The following DFFA variants were observed in gnomAD, a reference collection of about 807,000 sequenced individuals.
The protein encoded by DFFA is DFF45.
DFFA carries 14 observed loss-of-function variants against 28.0 expected under a neutral mutation model. The observed-to-expected ratio is 0.50, with a 90% CI of 0.33 to 0.78. The LOEUF is 0.78. DFFA is among the 30% of genes least tolerant of loss of function. The probability of loss-of-function intolerance (pLI) is 0.02; values close to 1 mark genes in which losing one functional copy is unlikely to be tolerated. For missense variants in DFFA, 395 were observed against 407.1 expected (o/e 0.97, Z 0.26); for synonymous variants, 158 against 170.3 (o/e 0.93, Z 0.56).
chr1:10,462,777 T>G, intron 5 of DFFA: 1 of 1,279,284 alleles, frequency 7.8e-7, no homozygotes, highest in East Asian at 3.4e-5. Flanking sequence ...CTCAGAAGAT[T>G]GGGCCCTGCT....
At chr1:10,470,776 C>T (rs1641086750) in intron 1 of DFFA, among the ~76,000 whole-genome samples, 1 of 147,840 alleles carries the variant, frequency 6.8e-6, no homozygotes, top group Non-Finnish European at 1.5e-5. Context: ...AAAAATACAC[C>T]AAAAAGGCCA....
chr1:10,465,382 C>G (rs1481768483), intron 3 of DFFA, among the ~76,000 whole-genome samples: 1 of 151,184 alleles, frequency 6.6e-6, no homozygotes, highest in African/African-American at 2.4e-5. Context: ...TCTCCTGCCT[C>G]AGCCTCCTGA....
chr1:10,465,000 C>T (rs1641002352), intron 3 of DFFA, among the ~76,000 whole-genome samples: 1 of 152,130 alleles, frequency 6.6e-6, no homozygotes, highest in Non-Finnish European at 1.5e-5. Context: ...ATCAATAATC[C>T]CAGCACTTTG....
intron 5 of DFFA, 129 bp from the exon 6 acceptor site, chr1:10,461,831 G>A (rs1322486710): frequency 2.0e-5 from 30 of 1,470,200 alleles, no homozygotes; most frequent in South Asian, 1.4e-4. Context: ...CTGAAATGCC[G>A]GGTTTCCTTT....
intron 2 of DFFA, among the ~76,000 whole-genome samples, chr1:10,468,495 G>C (rs1212700531): frequency 8.6e-5 from 13 of 151,458 alleles, no homozygotes; most frequent in African/African-American, 2.9e-4. Flanking sequence ...GAGAAACCCT[G>C]GTTTGATATG....
Position 10,472,230 on chromosome 1 carries a change from C to T in DFFA, c.136+93G>A, listed in dbSNP as rs1570113513. The T allele has an allele frequency of 7.0e-7, 1 of 1,436,956 alleles. No individual in the cohort carries two copies. The highest frequency in any genetic ancestry group is 2.5e-5 in the East Asian group (1 of 39,748). 89.0% of individuals were successfully genotyped at this position (1,436,956 alleles called of 1,614,324 possible). On this transcript the variant is annotated intron_variant, in intron 1 of 5. Transcript: ENST00000377038. This position sits in a 1 kb window ranked among gnomAD's most constrained non-coding sequence, Gnocchi z 5.0. The stretch of plus-strand genomic sequence containing the variant: ...GCCTCCACCCGAGATACAAGAATCC[C>T]CAAGTCGCCTCTCCTGACCCCGCCT...
chr1:10,466,026 C>T (rs1461817974), intron 3 of DFFA, among the ~76,000 whole-genome samples: 1 of 150,482 alleles, frequency 6.6e-6, no homozygotes, highest in Non-Finnish European at 1.5e-5. Context: ...TGCAAGCCTA[C>T]AGTCTCAGCT....
At chr1:10,467,139 G>A (rs747270629) in intron 3 of DFFA, 51 bp downstream of exon 3, 17 of 1,604,070 alleles carry the variant, frequency 1.1e-5, no homozygotes, top group Middle Eastern at 1.8e-4. Flanking sequence ...GTGCTGGGGC[G>A]GGGGGCAGAG....
In DFFA at chr1:10,472,447, G is replaced by A. The variant is rs767676381; in HGVS notation, c.12C>T (p.Thr4=). MEV[T]GDAGVPESGE... is the part of the protein sequence containing the mutation. ...CAGATTCTGGTACCCCGGCGTCCCC[G>A]GTCACCTCCATCCTCCACAAGGTGG... Residue 4 remains threonine, a synonymous_variant, in exon 1 of 6, where the codon ACC becomes ACT. Coordinates refer to ENST00000377038, the MANE Select transcript of DFFA (RefSeq NM_004401.3). This position sits in a 1 kb window ranked among gnomAD's most constrained non-coding sequence, Gnocchi z 5.0. 1.9e-6 allele frequency: 3 copies of A among 1,610,684 alleles called. No homozygotes were observed. The highest frequency in any genetic ancestry group is 2.2e-5 in the East Asian group (1 of 44,556).
intron 2 of DFFA, among the ~76,000 whole-genome samples, chr1:10,467,624 C>T (rs372075601): frequency 2.6e-3 from 389 of 152,160 alleles, no homozygotes; most frequent in African/African-American, 8.8e-3. Context: ...GATTCTCCTG[C>T]CTCAGCCTTG....
Position 10,467,292 on chromosome 1 carries a change from T to A in DFFA, c.339A>T (p.Val113=). 1 of 1,614,146 alleles carries A rather than the reference T, an allele frequency of 6.2e-7. No individual in the cohort carries two copies. The change falls in exon 3 of 6, where the codon GTA becomes GTT. Residue 113 remains valine (V), a synonymous_variant. Coordinates refer to ENST00000377038, the MANE Select transcript of DFFA (RefSeq NM_004401.3). ...TAWISQESFD[V]DETDSGAGLK... ...ACCCTGCCCCGCTGTCTGTTTCATC[T>A]ACATCAAAGGACTCTTGGGAAATCC...
At chr1:10,467,949 G>GTT (rs572910619) in intron 2 of DFFA, among the ~76,000 whole-genome samples, 14 of 152,162 alleles carry the variant, frequency 9.2e-5, no homozygotes, top group Non-Finnish European at 1.6e-4. Flanking sequence ...GGTGTGTCCT[G>GTT]TTTTTTATAC....
In DFFA at chr1:10,461,340, A is replaced by G; in HGVS notation, c.*150T>C. 3 of 1,364,772 alleles carry G rather than the reference A, an allele frequency of 2.2e-6. No homozygotes were observed. Among genetic ancestry groups the G allele is most frequent in the Non-Finnish European group, 2.9e-6 (3 of 1,038,524 alleles). The allele number at this position is 1,364,772 out of a possible 1,614,324, so 84.5% of individuals were successfully genotyped here. On this transcript the variant is annotated 3_prime_UTR_variant, in exon 6 of 6. Coordinates refer to ENST00000377038, the MANE Select transcript of DFFA (RefSeq NM_004401.3). ...GTGGGGCTAAAAAAAAAATTGGTGG[A>G]ACGGCGTATGTTGAGACCTGGAATA...
chr1:10,461,565 C>T lies in DFFA; in HGVS notation c.921G>A (p.Arg307=), dbSNP rs747165023. The part of the protein sequence containing the change: ...LQQTQSLHSL[R]SISASKASPP... The stretch of plus-strand genomic sequence containing the variant: ...GTGAGGCCTTGCTTGCTGAGATGCT[C>T]CGGAGAGAATGCAAGCTCTGCGTCT... Residue 307 remains arginine, a synonymous_variant, in exon 6 of 6, where the codon CGG becomes CGA. Coordinates refer to ENST00000377038, the MANE Select transcript of DFFA (RefSeq NM_004401.3). The T allele has an allele frequency of 5.0e-6, 8 of 1,614,208 alleles. No individual in the cohort carries two copies. The highest frequency in any genetic ancestry group is 2.2e-5 in the South Asian group (2 of 91,080).
intron 1 of DFFA, among the ~76,000 whole-genome samples, chr1:10,470,439 T>C (rs1359375811): frequency 6.7e-6 from 1 of 149,458 alleles, no homozygotes; most frequent in Admixed American, 6.6e-5. Flanking sequence ...TTTTTTTTTT[T>C]TTTGAGACGG....
intron 2 of DFFA, among the ~76,000 whole-genome samples, chr1:10,468,627 C>A (rs1641052615): frequency 6.6e-6 from 1 of 152,076 alleles, no homozygotes; most frequent in Admixed American, 6.6e-5. Context: ...GAGCCAGGAT[C>A]CAGACCTCAA....
intron 4 of DFFA, 101 bp from the exon 5 acceptor site, chr1:10,463,310 G>T: frequency 6.4e-7 from 1 of 1,550,640 alleles, no homozygotes. Context: ...AAACGTGCCC[G>T]TCCCGCATCC....
At chr1:10,462,756 C>T in intron 5 of DFFA, 3 of 1,231,116 alleles carry the variant, frequency 2.4e-6, no homozygotes, top group Non-Finnish European at 3.1e-6. Flanking sequence ...ATGGAAAGAC[C>T]CAGAAGCCAT....
chr1:10,467,454 T>G, intron 2 of DFFA, 122 bp from the exon 3 acceptor site: 1 of 1,066,114 alleles, frequency 9.4e-7, no homozygotes, highest in Non-Finnish European at 1.4e-6. Flanking sequence ...AAGCATCTTA[T>G]CTCAAGGATT....
Sources: gnomAD v4.1 joint callset for allele counts (sites outside exome capture counted in the v4.1 genomes callset) on GRCh38, gnomAD v4.1.1 for gene constraint, Gnocchi (gnomAD v3.1) non-coding constraint, MANE v1.5 for transcripts, NCBI Gene and HGNC (gene_info 2026-07-23, HGNC 2026-07-21) for gene names.